SCGN: variants seen among roughly 807,000 people sequenced by gnomAD.
SCGN encodes secretagogin.
In SCGN, 30 loss-of-function variants were observed where a neutral mutation model predicts 39.7. The observed-to-expected ratio is 0.76, with a 90% CI of 0.57 to 1.03. The LOEUF (loss-of-function observed/expected upper bound fraction) is 1.03. Ranked by LOEUF, SCGN falls within the 50% of genes least tolerant of loss-of-function variation. The pLI is 0.00. For missense variants in SCGN, 353 were observed against 349.4 expected (o/e 1.01, Z -0.08); for synonymous variants, 106 against 114.1 (o/e 0.93, Z 0.45).
rs144673693 is a variant in SCGN, at chr6:25,684,844, A to G, written c.527+2838A>G. 2.3e-3 allele frequency among the ~76,000 whole-genome samples: 350 copies of G among 152,266 alleles called. 1 individual carries two copies. The highest frequency in any genetic ancestry group is 7.5e-3 in the African/African-American group (313 of 41,552). Reference sequence around the variant, plus strand: ...AGGAAAAAAAAGATATCCACATCCTAATATCCAGAACTGGTGACTATTTTA... The same window carrying G: ...AGGAAAAAAAAGATATCCACATCCTGATATCCAGAACTGGTGACTATTTTA... On this transcript the variant is annotated intron_variant, in intron 7 of 10. Coordinates refer to ENST00000377961, the MANE Select transcript of SCGN (RefSeq NM_006998.4).
intron 2 of SCGN, among the ~76,000 whole-genome samples, chr6:25,659,720 A>T (rs374233249): frequency 6.6e-6 from 1 of 152,150 alleles, no homozygotes; most frequent in Admixed American, 6.5e-5. Context: ...TAGATTTTCT[A>T]CTCACTGGAA....
intron 10 of SCGN, among the ~76,000 whole-genome samples, chr6:25,694,227 C>G (rs1759810903): frequency 6.6e-6 from 1 of 152,166 alleles, no homozygotes; most frequent in Admixed American, 6.5e-5. Context: ...ATTTTTGAAT[C>G]TGGATAATCT....
rs1255733330 is a variant in SCGN at position 25,697,468 on chromosome 6, T to A, written c.703-3739T>A. ...TTCAGTTCCTCTAGTGGTCAGAATATGGTCCAGTGTTGGAGTCATGATGAC... is the reference window on the plus strand; with the variant it reads ...TTCAGTTCCTCTAGTGGTCAGAATAAGGTCCAGTGTTGGAGTCATGATGAC... On this transcript the variant is annotated intron_variant, in intron 10 of 10. Transcript: ENST00000377961. 2.0e-5 allele frequency among the ~76,000 whole-genome samples: 3 copies of A among 152,354 alleles called. No homozygotes were observed. In the East Asian group the frequency reaches 5.8e-4, roughly 29 times the overall value.
rs377671086 is a variant in SCGN at position 25,652,516 on chromosome 6, G to A, written c.82+31G>A. On this transcript the variant is annotated intron_variant, in intron 1 of 10. Coordinates refer to ENST00000377961, the MANE Select transcript of SCGN (RefSeq NM_006998.4). ...TAGAACAAGCCACTTGCACACTCAG[G>A]TGTAGACGTGGCTCCAAGCTCAGCC... is the stretch of plus-strand genomic sequence containing the variant. 1.6e-4 allele frequency: 254 copies of A among 1,601,402 alleles called. 1 individual carries two copies. The highest frequency in any genetic ancestry group is 2.1e-4 in the Non-Finnish European group (246 of 1,169,794).
chr6:25,654,906 G>C (rs143306616), intron 2 of SCGN, among the ~76,000 whole-genome samples: 7 of 152,108 alleles, frequency 4.6e-5, no homozygotes, highest in Admixed American at 4.6e-4. Context: ...GACCACTTGC[G>C]CACACTCCTC....
chr6:25,669,066 G>C (rs949973139), intron 4 of SCGN, among the ~76,000 whole-genome samples: 5 of 149,890 alleles, frequency 3.3e-5, no homozygotes, highest in Non-Finnish European at 4.4e-5. Flanking sequence ...AGCCGAGATC[G>C]CGCCACTGCA....
intron 6 of SCGN, among the ~76,000 whole-genome samples, chr6:25,681,425 A>T (rs564609100): frequency 6.6e-6 from 1 of 152,326 alleles, no homozygotes; most frequent in Admixed American, 6.5e-5. Context: ...TAATCTTTAT[A>T]AAAATCCTGT....
At chr6:25,679,711 G>C (rs1207657125) in intron 6 of SCGN, among the ~76,000 whole-genome samples, 1 of 152,196 alleles carries the variant, frequency 6.6e-6, no homozygotes, top group Non-Finnish European at 1.5e-5. Flanking sequence ...TCTTAGAGTT[G>C]ACTCAACTAT....
chr6:25,682,086 A>G, intron 7 of SCGN, 80 bp downstream of exon 7: 3 of 1,071,694 alleles, frequency 2.8e-6, no homozygotes, highest in Non-Finnish European at 4.3e-6. Context: ...TCCTTTTGAG[A>G]CTGGAGATCA....
rs1759908203 is a variant in SCGN at position 25,701,245 on chromosome 6, G to C, written c.741G>C (p.Glu247Asp). 6.2e-7 allele frequency: 1 copy of C among 1,613,496 alleles called. No homozygotes were observed. Among genetic ancestry groups the C allele is most frequent in the African/African-American group, 1.3e-5 (1 of 75,034 alleles). ...ISGVDLDKFR[E>D]ILLRHCDVNK... ...GGGTGGACCTTGATAAGTTCCGCGAGATTCTCCTGCGTCACTGCGACGTGA... is the reference window on the plus strand; with the variant it reads ...GGGTGGACCTTGATAAGTTCCGCGACATTCTCCTGCGTCACTGCGACGTGA... The change falls in exon 11 of 11, where the codon GAG becomes GAC. Residue 247 changes from glutamate to aspartate, a missense_variant. Coordinates refer to ENST00000377961, the MANE Select transcript of SCGN (RefSeq NM_006998.4).
chr6:25,688,535 C>T (rs1406957744), intron 7 of SCGN, among the ~76,000 whole-genome samples: 1 of 152,198 alleles, frequency 6.6e-6, no homozygotes, highest in Non-Finnish European at 1.5e-5. Flanking sequence ...GGTGCCGTGG[C>T]TCACGCCTGT....
Position 25,661,581 on chromosome 6 carries a change from G to C in SCGN, c.183G>C (p.Lys61Asn). The change falls in exon 3 of 11, where the codon AAG becomes AAC. Residue 61 changes from lysine (K) to asparagine (N), a missense_variant. Lys to Asn is a moderately conservative substitution (Grantham distance 94). Transcript: ENST00000377961. ...DDTVMKANLHKVKQQFMTTQD... is the reference protein window; with the variant it reads ...DDTVMKANLHNVKQQFMTTQD... Reference sequence around the variant, plus strand: ...CGGTCATGAAAGCAAATTTGCACAAGGTGAAACAGCAGTTTATGACTACCC... The same window carrying C: ...CGGTCATGAAAGCAAATTTGCACAACGTGAAACAGCAGTTTATGACTACCC... 6.2e-7 allele frequency: 1 copy of C among 1,613,636 alleles called. No homozygotes were observed. The highest frequency in any genetic ancestry group is 8.5e-7 in the Non-Finnish European group (1 of 1,179,722).
intron 10 of SCGN, among the ~76,000 whole-genome samples, chr6:25,692,105 C>A (rs917442981): frequency 6.6e-6 from 1 of 152,174 alleles, no homozygotes; most frequent in Non-Finnish European, 1.5e-5. Flanking sequence ...TTTCCTCATT[C>A]ACTTGTTGCT....
chr6:25,685,635 C>A (rs143463287), intron 7 of SCGN, among the ~76,000 whole-genome samples: 3 of 151,808 alleles, frequency 2.0e-5, no homozygotes, highest in Non-Finnish European at 2.9e-5. Context: ...CTGAAACTGA[C>A]TGTATTCTAT....
At chr6:25,654,541 T>C (rs1760193414) in intron 2 of SCGN, among the ~76,000 whole-genome samples, 1 of 152,176 alleles carries the variant, frequency 6.6e-6, no homozygotes, top group Non-Finnish European at 1.5e-5. Context: ...CTCTCTGACC[T>C]CTCTGTTGCC....
At chr6:25,676,162 T>C (rs777079038) in intron 6 of SCGN, among the ~76,000 whole-genome samples, 28 of 152,208 alleles carry the variant, frequency 1.8e-4, no homozygotes, top group Non-Finnish European at 7.3e-5. Flanking sequence ...ACATTCTAAA[T>C]CTGACCGTTT....
At chr6:25,689,974 G>T (rs953635524) in intron 9 of SCGN, among the ~76,000 whole-genome samples, 3 of 152,160 alleles carry the variant, frequency 2.0e-5, no homozygotes, top group African/African-American at 7.2e-5. Flanking sequence ...TAAGTACAAA[G>T]TATGGCAAAG....
At chr6:25,685,437 C>A (rs1312677719) in intron 7 of SCGN, among the ~76,000 whole-genome samples, 1 of 152,144 alleles carries the variant, frequency 6.6e-6, no homozygotes, top group African/African-American at 2.4e-5. Context: ...CTGGTGCCTG[C>A]AAATACTAAG....
intron 4 of SCGN, among the ~76,000 whole-genome samples, chr6:25,669,088 G>A (rs1225783151): frequency 1.4e-5 from 2 of 145,698 alleles, no homozygotes; most frequent in African/African-American, 5.2e-5. Flanking sequence ...TCCAGCCTGG[G>A]CGACAGAGCG....
Sources: gnomAD v4.1 joint callset for allele counts (sites outside exome capture counted in the v4.1 genomes callset) on GRCh38, gnomAD v4.1.1 for gene constraint, MANE v1.5 for transcripts, NCBI Gene and HGNC (gene_info 2026-07-23, HGNC 2026-07-21) for gene names.